PTPRD: variants seen among roughly 807,000 people sequenced by gnomAD.
The protein encoded by PTPRD is protein tyrosine phosphatase receptor type D.
In PTPRD, 34 loss-of-function variants were observed where a neutral mutation model predicts 214.5. The observed-to-expected ratio is 0.16, with a 90% CI of 0.12 to 0.21. The LOEUF (loss-of-function observed/expected upper bound fraction) is 0.21. Ranked by LOEUF, PTPRD falls within the 10% of genes least tolerant of loss-of-function variation. PTPRD has a pLI of 1.00. For synonymous variants in PTPRD, 1,128 were observed against 845.7 expected, an observed-to-expected ratio of 1.33 and a Z score of -5.79; for missense variants, 2,545 against 2,398.7, an observed-to-expected ratio of 1.06 and a Z score of -1.27.
At chr9:10,207,201 C>G (rs1019868442) in intron 3 of PTPRD, among the ~76,000 whole-genome samples, 2 of 152,098 alleles carry the variant, frequency 1.3e-5, no homozygotes, top group African/African-American at 4.8e-5. Flanking sequence ...AATTACACAT[C>G]TAATTTTTCC....
At chr9:9,450,110 G>C (rs2091703916) in intron 8 of PTPRD, among the ~76,000 whole-genome samples, 1 of 78,608 alleles carries the variant, frequency 1.3e-5, no homozygotes, top group South Asian at 4.6e-4. Flanking sequence ...GTGTGTGTGT[G>C]TGTGTGTGTC....
intron 5 of PTPRD, chr9:9,799,627 A>T (rs2099025826): frequency 6.6e-6 from 1 of 152,206 alleles, no homozygotes; most frequent in African/African-American, 2.4e-5. Flanking sequence ...TACATTTGCT[A>T]ATGCTAAAAT....
At chr9:8,422,268 G>A (rs2094420501) in intron 35 of PTPRD, among the ~76,000 whole-genome samples, 1 of 150,452 alleles carries the variant, frequency 6.6e-6, no homozygotes, top group Non-Finnish European at 1.5e-5. Context: ...CCCTAAAACT[G>A]CCTTATTTCT....
intron 3 of PTPRD, among the ~76,000 whole-genome samples, chr9:10,090,453 T>C (rs1009850823): frequency 6.6e-6 from 1 of 151,416 alleles, no homozygotes; most frequent in African/African-American, 2.4e-5. Context: ...TCTGCAATGG[T>C]AATTCTTTAA....
intron 3 of PTPRD, among the ~76,000 whole-genome samples, chr9:10,065,995 T>G (rs541445530): frequency 9.9e-5 from 15 of 152,066 alleles, no homozygotes; most frequent in African/African-American, 3.6e-4. Context: ...AGCTAAATTT[T>G]ATCATTCACA....
chr9:8,615,397 T>C (rs193057404), intron 14 of PTPRD, among the ~76,000 whole-genome samples: 1 of 152,278 alleles, frequency 6.6e-6, no homozygotes, highest in Admixed American at 6.5e-5. Flanking sequence ...AAAAGTAAGC[T>C]ATCGCCACTA....
intron 5 of PTPRD, among the ~76,000 whole-genome samples, chr9:9,891,844 T>C (rs1004936362): frequency 2.0e-5 from 3 of 152,150 alleles, no homozygotes; most frequent in Non-Finnish European, 4.4e-5. Flanking sequence ...TTAGATTTTA[T>C]CAAAGTATTT....
chr9:8,634,515 C>T (rs1271583897), intron 13 of PTPRD, among the ~76,000 whole-genome samples: 1 of 151,864 alleles, frequency 6.6e-6, no homozygotes, highest in Admixed American at 6.6e-5. Flanking sequence ...AAAATATGTC[C>T]ACTTCAATCT....
chr9:9,492,859 A>G (rs2095980382), intron 8 of PTPRD, among the ~76,000 whole-genome samples: 1 of 150,328 alleles, frequency 6.7e-6, no homozygotes, highest in Non-Finnish European at 1.5e-5. Flanking sequence ...AAACTTTATT[A>G]TTATTTATAT....
chr9:8,939,081 T>C (rs544045913), intron 11 of PTPRD, among the ~76,000 whole-genome samples: 130 of 152,284 alleles, frequency 8.5e-4, no homozygotes, highest in African/African-American at 3.1e-3. Flanking sequence ...TGAATGTACA[T>C]TATCTGATTA....
At chr9:9,570,685 A>T (rs1294557505) in intron 8 of PTPRD, among the ~76,000 whole-genome samples, 1 of 151,484 alleles carries the variant, frequency 6.6e-6, no homozygotes, top group Non-Finnish European at 1.5e-5. Flanking sequence ...TCATTATGAC[A>T]CAGAGATCGA....
chr9:8,641,990 C>T (rs891206537), intron 12 of PTPRD, among the ~76,000 whole-genome samples: 1 of 152,160 alleles, frequency 6.6e-6, no homozygotes, highest in African/African-American at 2.4e-5. Context: ...AACAAACTGC[C>T]GTACTGAGGA....
At chr9:9,035,076 T>C (rs1346149868) in intron 10 of PTPRD, among the ~76,000 whole-genome samples, 2 of 152,052 alleles carry the variant, frequency 1.3e-5, no homozygotes, top group East Asian at 1.9e-4. Flanking sequence ...GAGTGTGGGA[T>C]TGGATTTTTT....
At chr9:9,468,726 A>G (rs1238427979) in intron 8 of PTPRD, among the ~76,000 whole-genome samples, 1 of 152,162 alleles carries the variant, frequency 6.6e-6, no homozygotes, top group African/African-American at 2.4e-5. Flanking sequence ...AGAAATGCAT[A>G]TTGTAATTTT....
chr9:9,911,285 C>T (rs557190483), intron 5 of PTPRD, among the ~76,000 whole-genome samples: 2 of 152,160 alleles, frequency 1.3e-5, no homozygotes, highest in African/African-American at 4.8e-5. Flanking sequence ...TGTGACACTT[C>T]TTATAGCTAA....
intron 8 of PTPRD, among the ~76,000 whole-genome samples, chr9:9,514,457 C>T (rs528691057): frequency 3.3e-5 from 5 of 152,172 alleles, no homozygotes; most frequent in South Asian, 2.1e-4. Context: ...GAATTCCACA[C>T]ACTGTAATTA....
At chr9:9,400,094 T>G (rs1259150754) in intron 8 of PTPRD, among the ~76,000 whole-genome samples, 2 of 58,602 alleles carry the variant, frequency 3.4e-5, no homozygotes, top group African/African-American at 1.1e-4. Flanking sequence ...ACCTACTAGT[T>G]TTTTTTTTTT....
chr9:10,072,234 C>T (rs528547272), intron 3 of PTPRD, among the ~76,000 whole-genome samples: 15 of 152,024 alleles, frequency 9.9e-5, no homozygotes, highest in African/African-American at 3.4e-4. Context: ...CTCAATATTT[C>T]GCATCAGAGG....
chr9:9,739,625 A>AT (rs200589505), intron 6 of PTPRD, among the ~76,000 whole-genome samples: 23 of 151,768 alleles, frequency 1.5e-4, no homozygotes, highest in African/African-American at 4.6e-4. Flanking sequence ...TCATCAGTTT[A>AT]TTTAAAAAAA....
Sources: gnomAD v4.1 joint callset for allele counts (sites outside exome capture counted in the v4.1 genomes callset) on GRCh38, gnomAD v4.1.1 for gene constraint, MANE v1.5 for transcripts, NCBI Gene and HGNC (gene_info 2026-07-23, HGNC 2026-07-21) for gene names.